LRP1B: variants seen among roughly 807,000 people sequenced by gnomAD.
The protein encoded by LRP1B is LDL receptor related protein 1B.
In LRP1B, 217 loss-of-function variants were observed where a neutral mutation model predicts 556.6. The observed-to-expected ratio is 0.39, with a 90% confidence interval of 0.35 to 0.44. The LOEUF (loss-of-function observed/expected upper bound fraction) is 0.44, where lower values mean the gene tolerates loss of function less well. LRP1B is among the 20% of genes least tolerant of loss of function. The pLI is 1.00. For missense variants in LRP1B, 5,053 were observed against 5,620.8 expected (o/e 0.90, Z 3.23); for synonymous variants, 2,047 against 1,865.8 (o/e 1.10, Z -2.50).
At chr2:141,419,196 G>A (rs4273168) in intron 3 of LRP1B, among the ~76,000 whole-genome samples, 23,170 of 150,070 alleles carry the variant, frequency 0.15, 2,365 homozygotes, top group East Asian at 0.4. Flanking sequence ...TCACTTTGCT[G>A]ATACTTTCTT....
chr2:141,047,998 G>T (rs562058758), intron 11 of LRP1B, among the ~76,000 whole-genome samples: 5 of 152,006 alleles, frequency 3.3e-5, no homozygotes, highest in Non-Finnish European at 7.4e-5. Context: ...AGACAGCTTT[G>T]AACTTATTAA....
chr2:140,250,418 T>G (rs2104905383), intron 86 of LRP1B, among the ~76,000 whole-genome samples: 1 of 151,984 alleles, frequency 6.6e-6, no homozygotes, highest in African/African-American at 2.4e-5. Context: ...AAATAATTAT[T>G]TATCCTTCTT....
chr2:140,846,186 A>G (rs1181976339), intron 29 of LRP1B, among the ~76,000 whole-genome samples: 1 of 152,214 alleles, frequency 6.6e-6, no homozygotes, highest in Non-Finnish European at 1.5e-5. Flanking sequence ...ACTATCTACA[A>G]AGGAATGATA....
chr2:141,254,588 T>C lies in LRP1B; in HGVS notation c.397A>G (p.Arg133Gly), dbSNP rs1369046908. ...TCACAGTAACATCTTGTACTATTTC[T>C]GACCATTGTACATTTATACTGACAA... ...LNCQYKCTMVRNSTRCYCEDG... is the reference protein window; with the variant it reads ...LNCQYKCTMVGNSTRCYCEDG... Residue 133 changes from arginine (R) to glycine (G), a missense_variant, in exon 4 of 91, where the codon AGA becomes GGA. Arg to Gly is a moderately radical substitution (Grantham distance 125). Transcript: ENST00000389484. The C allele has an allele frequency of 6.2e-7, 1 of 1,611,276 alleles. No individual in the cohort carries two copies. Among genetic ancestry groups the C allele is most frequent in the Non-Finnish European group, 8.5e-7 (1 of 1,177,970 alleles).
chr2:141,434,891 A>T (rs961603997), intron 3 of LRP1B, among the ~76,000 whole-genome samples: 1 of 152,094 alleles, frequency 6.6e-6, no homozygotes, highest in Non-Finnish European at 1.5e-5. Flanking sequence ...TAATCTGGCT[A>T]CCTTTAGGTC....
At chr2:141,271,593 C>T (rs35806845) in intron 3 of LRP1B, among the ~76,000 whole-genome samples, 1 of 151,548 alleles carries the variant, frequency 6.6e-6, no homozygotes, top group African/African-American at 2.4e-5. Context: ...ATTCAAAGTG[C>T]TGAAAGAGAA....
chr2:140,589,310 C>A (rs1390796058), intron 43 of LRP1B, among the ~76,000 whole-genome samples: 7 of 152,012 alleles, frequency 4.6e-5, no homozygotes, highest in Non-Finnish European at 7.4e-5. Context: ...AAAGTATCAT[C>A]TAGAATATAT....
chr2:140,392,220 T>C (rs1684053067), intron 66 of LRP1B, among the ~76,000 whole-genome samples: 1 of 152,128 alleles, frequency 6.6e-6, no homozygotes, highest in African/African-American at 2.4e-5. Context: ...TGTTTTTCTT[T>C]TACACTGCAT....
intron 1 of LRP1B, among the ~76,000 whole-genome samples, chr2:141,864,284 G>T (rs1698336353): frequency 6.6e-6 from 1 of 152,116 alleles, no homozygotes; most frequent in Non-Finnish European, 1.5e-5. Flanking sequence ...AAATACAAAA[G>T]TTCATGCAAC....
chr2:140,771,242 A>G (rs894455861), intron 33 of LRP1B, among the ~76,000 whole-genome samples: 1 of 152,132 alleles, frequency 6.6e-6, no homozygotes, highest in Non-Finnish European at 1.5e-5. Context: ...AGTTACAGAA[A>G]AGCAAAAGGA....
At chr2:140,670,114 C>T (rs1685426353) in intron 41 of LRP1B, among the ~76,000 whole-genome samples, 1 of 152,074 alleles carries the variant, frequency 6.6e-6, no homozygotes, top group Admixed American at 6.6e-5. Flanking sequence ...CCACGTGACA[C>T]TGGTAGATGT....
chr2:141,409,180 T>C (rs1690756554), intron 3 of LRP1B, among the ~76,000 whole-genome samples: 1 of 152,186 alleles, frequency 6.6e-6, no homozygotes, highest in Admixed American at 6.5e-5. Flanking sequence ...TATTAATATA[T>C]GCAATAGTCT....
At chr2:140,608,196 G>A (rs916843895) in intron 41 of LRP1B, among the ~76,000 whole-genome samples, 1 of 152,102 alleles carries the variant, frequency 6.6e-6, no homozygotes, top group Non-Finnish European at 1.5e-5. Context: ...AAACTACTGA[G>A]TTGGGTAAGC....
At chr2:141,119,382 C>G (rs1190001486) in intron 7 of LRP1B, among the ~76,000 whole-genome samples, 1 of 151,868 alleles carries the variant, frequency 6.6e-6, no homozygotes, top group Admixed American at 6.6e-5. Flanking sequence ...TCTATGCATT[C>G]TCTTTCAAAA....
chr2:140,757,039 G>C (rs1297916227), intron 35 of LRP1B, among the ~76,000 whole-genome samples: 2 of 151,992 alleles, frequency 1.3e-5, no homozygotes, highest in East Asian at 1.9e-4. Context: ...ACATATAAAT[G>C]GCTAATAAGC....
chr2:141,633,535 C>A (rs1216814421), intron 2 of LRP1B, among the ~76,000 whole-genome samples: 1 of 151,980 alleles, frequency 6.6e-6, no homozygotes, highest in African/African-American at 2.4e-5. Context: ...AAGTGTTTGC[C>A]TCTGAATCTA....
intron 46 of LRP1B, among the ~76,000 whole-genome samples, chr2:140,536,053 G>A (rs1280852761): frequency 2.0e-5 from 3 of 151,974 alleles, no homozygotes; most frequent in African/African-American, 4.8e-5. Context: ...CAAAAATCAC[G>A]ATGTTTCTGA....
chr2:141,260,636 G>C (rs574852962), intron 3 of LRP1B, among the ~76,000 whole-genome samples: 3 of 152,110 alleles, frequency 2.0e-5, no homozygotes, highest in Non-Finnish European at 4.4e-5. Context: ...CCATTGTATA[G>C]TCAATAGCAT....
intron 83 of LRP1B, among the ~76,000 whole-genome samples, chr2:140,299,756 C>G (rs1475842604): frequency 6.6e-6 from 1 of 151,860 alleles, no homozygotes; most frequent in African/African-American, 2.4e-5. Context: ...AGTAATTCTT[C>G]AATTACAGTC....
Sources: gnomAD v4.1 joint callset for allele counts (sites outside exome capture counted in the v4.1 genomes callset) on GRCh38, gnomAD v4.1.1 for gene constraint, MANE v1.5 for transcripts, NCBI Gene and HGNC (gene_info 2026-07-23, HGNC 2026-07-21) for gene names.